TDRD9: variants seen among roughly 807,000 people sequenced by gnomAD.
TDRD9 encodes tudor domain containing 9.
TDRD9 carries 124 observed loss-of-function variants against 172.6 expected under a neutral mutation model. That is an observed-to-expected ratio of 0.72 (90% CI 0.62 to 0.83). The LOEUF (loss-of-function observed/expected upper bound fraction) is 0.83, where lower values mean the gene tolerates loss of function less well. Among genes scored for constraint, TDRD9 ranks in the 40% least tolerant of loss-of-function variants. The pLI is 0.00. For missense variants in TDRD9, 1,479 were observed against 1,714.1 expected (o/e 0.86, Z 2.42); for synonymous variants, 619 against 617.1 (o/e 1.00, Z -0.05).
chr14:103,986,256 G>C lies in TDRD9; in HGVS notation c.1051G>C (p.Asp351His). The C allele has an allele frequency of 6.2e-6, 10 of 1,613,446 alleles. No individual in the cohort carries two copies. The highest frequency in any genetic ancestry group is 8.5e-6 in the Non-Finnish European group (10 of 1,179,664). The change falls in exon 8 of 36, where the codon GAT becomes CAT. Residue 351 changes from aspartate (D) to histidine (H), a missense_variant. By Grantham distance (81) the Asp-to-His change is moderately conservative. Coordinates refer to ENST00000409874, the MANE Select transcript of TDRD9 (RefSeq NM_153046.3). ...CCTGGAGGAACCGGTGATAACTAAGGATATATATGAAGTTGCTGTCTCTCT... is the reference window on the plus strand; with the variant it reads ...CCTGGAGGAACCGGTGATAACTAAGCATATATATGAAGTTGCTGTCTCTCT... ...HLLEEPVITK[D>H]IYEVAVSLIQ...
At chr14:104,043,661 A>G (rs1356749708) in intron 34 of TDRD9, among the ~76,000 whole-genome samples, 2 of 151,800 alleles carry the variant, frequency 1.3e-5, no homozygotes, top group Non-Finnish European at 2.9e-5. Flanking sequence ...AGCCACCATC[A>G]CTCCCTGCCC....
chr14:104,026,999 TC>T (rs935143285), intron 28 of TDRD9, 60 bp downstream of exon 28: 27 of 1,567,486 alleles, frequency 1.7e-5, no homozygotes, highest in Non-Finnish European at 2.3e-5. Context: ...GGGCAGGCTT[TC>T]CTTCCTCTGT....
At chr14:104,036,138 AT>A (rs2035445014) in intron 32 of TDRD9, among the ~76,000 whole-genome samples, 2 of 152,088 alleles carry the variant, frequency 1.3e-5, no homozygotes, top group African/African-American at 2.4e-5. Flanking sequence ...TTTATTTAAG[AT>A]TCTTGTTATA....
At chr14:103,956,119 T>A (rs1384432327) in intron 2 of TDRD9, among the ~76,000 whole-genome samples, 6 of 49,308 alleles carry the variant, frequency 1.2e-4, no homozygotes, top group African/African-American at 2.9e-4. Flanking sequence ...AAAATATATA[T>A]ATATATATAT....
At chr14:103,945,509 A>C (rs1008969734) in intron 1 of TDRD9, 1 of 151,970 alleles carries the variant, frequency 6.6e-6, no homozygotes, top group Non-Finnish European at 1.5e-5. Context: ...AGAGAACATA[A>C]ATATTTGTAA....
intron 22 of TDRD9, 144 bp from the exon 23 acceptor site, chr14:104,017,948 C>T (rs2034840618): frequency 6.7e-6 from 4 of 593,042 alleles, no homozygotes. Flanking sequence ...ATGCACTGAT[C>T]TGTAGAGTTT....
intron 12 of TDRD9, among the ~76,000 whole-genome samples, chr14:103,996,210 A>T (rs1419540118): frequency 6.6e-6 from 1 of 152,206 alleles, no homozygotes; most frequent in Non-Finnish European, 1.5e-5. Flanking sequence ...CATCTTCCAC[A>T]TATGTGTCTG....
At chr14:104,048,882 A>G (rs1468527238) in intron 34 of TDRD9, among the ~76,000 whole-genome samples, 4 of 152,088 alleles carry the variant, frequency 2.6e-5, no homozygotes, top group Non-Finnish European at 4.4e-5. Flanking sequence ...TCCCCCTCTG[A>G]TCCAGATCAC....
At chr14:104,042,695 G>A (rs2035644371) in intron 34 of TDRD9, among the ~76,000 whole-genome samples, 2 of 152,172 alleles carry the variant, frequency 1.3e-5, no homozygotes, top group Non-Finnish European at 2.9e-5. Flanking sequence ...GCCCCGGGAA[G>A]GCCAAGAAGA....
chr14:103,941,797 A>C (rs1423278927), intron 1 of TDRD9: 1 of 899,260 alleles, frequency 1.1e-6, no homozygotes, highest in African/African-American at 1.7e-5. Flanking sequence ...CGAAAAGTGC[A>C]CGATTTTTTT....
intron 8 of TDRD9, among the ~76,000 whole-genome samples, chr14:103,986,660 C>G (rs867343318): frequency 1.8e-4 from 28 of 152,134 alleles, no homozygotes; most frequent in African/African-American, 6.3e-4. Flanking sequence ...ACTGTTGAAA[C>G]TTTCTTTGCA....
At chr14:104,033,452 A>G (rs9324071) in intron 30 of TDRD9, among the ~76,000 whole-genome samples, 148,344 of 152,322 alleles carry the variant, frequency 0.97, 72,359 homozygotes, top group East Asian at 1. Flanking sequence ...CTTCACCAGC[A>G]CTTTCACCTG....
intron 11 of TDRD9, 141 bp downstream of exon 11, chr14:103,994,744 T>A: frequency 3.0e-6 from 2 of 664,274 alleles, no homozygotes; most frequent in Non-Finnish European, 5.1e-6. Context: ...GTGAATCATT[T>A]GAGCTCAGGA....
At chr14:103,977,618 G>A (rs1233225053) in intron 7 of TDRD9, among the ~76,000 whole-genome samples, 1 of 141,572 alleles carries the variant, frequency 7.1e-6, no homozygotes, top group Non-Finnish European at 1.5e-5. Flanking sequence ...CATTCACTCA[G>A]TTGATTTCTT....
At chr14:103,962,799 A>G (rs1357602203) in intron 2 of TDRD9, among the ~76,000 whole-genome samples, 1 of 152,176 alleles carries the variant, frequency 6.6e-6, no homozygotes, top group Non-Finnish European at 1.5e-5. Flanking sequence ...GCTTGCTGCA[A>G]AGGACATGAT....
Position 104,052,257 on chromosome 14 carries a change from T to G in TDRD9, c.*175T>G, listed in dbSNP as rs1033674160. 6.5e-6 allele frequency: 3 copies of G among 464,800 alleles called. No homozygotes were observed. The highest frequency in any genetic ancestry group is 1.2e-5 in the Non-Finnish European group (3 of 259,148). 28.8% of individuals were successfully genotyped at this position (464,800 alleles called of 1,614,324 possible). Reference sequence around the variant, plus strand: ...TTGGGTGATAGTCAGAGAGTGGTGTTTTTGTTCAGGTGGGAAGGATTGGAA... The same window carrying G: ...TTGGGTGATAGTCAGAGAGTGGTGTGTTTGTTCAGGTGGGAAGGATTGGAA... On this transcript the variant is annotated 3_prime_UTR_variant, in exon 36 of 36. Coordinates refer to ENST00000409874, the MANE Select transcript of TDRD9 (RefSeq NM_153046.3).
intron 1 of TDRD9, among the ~76,000 whole-genome samples, chr14:103,935,846 T>C (rs1171331687): frequency 6.6e-6 from 1 of 152,172 alleles, no homozygotes; most frequent in African/African-American, 2.4e-5. Flanking sequence ...TTGTATATTA[T>C]TTTTCCCACA....
At chr14:104,051,846 G>A in intron 35 of TDRD9, 135 bp from the exon 36 acceptor site, 1 of 570,258 alleles carries the variant, frequency 1.8e-6, no homozygotes. Context: ...AAGTGTGAGA[G>A]TAGAGAAGTG....
intron 2 of TDRD9, 27 bp downstream of exon 2, chr14:103,955,797 G>C: frequency 1.3e-6 from 2 of 1,525,702 alleles, no homozygotes; most frequent in South Asian, 2.4e-5. Flanking sequence ...AAATATTTTA[G>C]ATAGGATGCA....
Sources: gnomAD v4.1 joint callset for allele counts (sites outside exome capture counted in the v4.1 genomes callset) on GRCh38, gnomAD v4.1.1 for gene constraint, MANE v1.5 for transcripts, NCBI Gene and HGNC (gene_info 2026-07-23, HGNC 2026-07-21) for gene names.